The following C2orf76 variants were observed in gnomAD, a reference collection of about 807,000 sequenced individuals.
C2orf76 encodes the protein UPF0538 protein C2orf76.
Under a neutral mutation model 16.9 loss-of-function variants are expected in C2orf76, and 23 were observed. That is an observed-to-expected ratio of 1.36 (90% CI 0.98 to 1.93). The LOEUF (loss-of-function observed/expected upper bound fraction) is 1.93. C2orf76 is among the 30% of genes most tolerant of loss of function. The pLI is 0.00. For missense variants in C2orf76, 152 were observed against 152.6 expected (o/e 1.00, Z 0.02); for synonymous variants, 48 against 52.3 (o/e 0.92, Z 0.35).
At chr2:119,309,573 C>A (rs982576070) in intron 5 of C2orf76, among the ~76,000 whole-genome samples, 1 of 151,786 alleles carries the variant, frequency 6.6e-6, no homozygotes, top group Non-Finnish European at 1.5e-5. Flanking sequence ...GCGTGTGCCA[C>A]CACACCTGGC....
the C2orf76 span, among the ~76,000 whole-genome samples, chr2:119,294,001 A>G: frequency 3.3e-5 from 5 of 152,136 alleles, no homozygotes; most frequent in Non-Finnish European, 7.4e-5. Flanking sequence ...TGGGCTGTGG[A>G]CTGAAATCCG....
rs112925717 is a variant in C2orf76 at position 119,311,705 on chromosome 2, T to TA, written c.223-3dup. ...CAAACTCAACACAAGTTCATTTGTC[T>TA]AAAAAAAAAAAAGAAAATCTGCATT... On this transcript the variant is annotated splice_region_variant and splice_polypyrimidine_tract_variant and intron_variant, in intron 4 of 5. Coordinates refer to ENST00000334816, the MANE Select transcript of C2orf76 (RefSeq NM_001322331.2). The TA allele has an allele frequency of 0.088, 104,313 of 1,183,772 alleles. 4,137 individuals carry two copies. Among genetic ancestry groups the TA allele is most frequent in the African/African-American group, 0.42 (28,121 of 67,474 alleles). The allele number at this position is 1,183,772 out of a possible 1,614,324, so 73.3% of individuals were successfully genotyped here.
intron 1 of C2orf76, among the ~76,000 whole-genome samples, chr2:119,363,407 G>C (rs1009406606): frequency 2.0e-5 from 3 of 147,536 alleles, no homozygotes; most frequent in African/African-American, 7.5e-5. Context: ...CTGGGCGACA[G>C]AGCAAGACTC....
intron 1 of C2orf76, among the ~76,000 whole-genome samples, chr2:119,348,148 T>C (rs977910109): frequency 2.0e-5 from 3 of 152,206 alleles, no homozygotes; most frequent in African/African-American, 7.2e-5. Flanking sequence ...TGCTTGACAT[T>C]TTTCATAATA....
In C2orf76 at chr2:119,321,211, G is replaced by A. The variant is rs751647714; in HGVS notation, c.134-7C>T. 3 of 1,358,852 alleles carry A rather than the reference G, an allele frequency of 2.2e-6. No individual in the cohort carries two copies. Among genetic ancestry groups the A allele is most frequent in the Non-Finnish European group, 3.0e-6 (3 of 985,258 alleles). The allele number at this position is 1,358,852 out of a possible 1,614,324, so 84.2% of individuals were successfully genotyped here. ...TTGGTCCTTAAAGGGATATCTACAA[G>A]AGAAAGATTATTTTTTTACACAATA... On this transcript the variant is annotated splice_region_variant and splice_polypyrimidine_tract_variant and intron_variant, in intron 2 of 5. Coordinates refer to ENST00000334816, the MANE Select transcript of C2orf76 (RefSeq NM_001322331.2).
intron 2 of C2orf76, among the ~76,000 whole-genome samples, chr2:119,325,244 G>C (rs1468828647): frequency 6.6e-6 from 1 of 152,000 alleles, no homozygotes; most frequent in Non-Finnish European, 1.5e-5. Flanking sequence ...TGGGCCACCT[G>C]AGGTCAAGAG....
At chr2:119,284,249 G>A in the C2orf76 span, among the ~76,000 whole-genome samples, 14 of 152,240 alleles carry the variant, frequency 9.2e-5, no homozygotes, top group South Asian at 1.7e-3. Context: ...GTCACATCCC[G>A]CCTGGCTGAG....
chr2:119,300,495 T>C (rs1017114049), downstream of C2orf76, among the ~76,000 whole-genome samples: 5 of 152,206 alleles, frequency 3.3e-5, no homozygotes, highest in Non-Finnish European at 7.3e-5. Context: ...TTGTAAGGCC[T>C]ACCTCAACCT....
Position 119,339,826 on chromosome 2 carries a change from C to T in C2orf76, c.133+1G>A. ...AACAAAATGGCTTTCACATCTCATA[C>T]CTTGCTTTAGAAATACGATAAATTC... On this transcript the variant is annotated splice_donor_variant, in intron 2 of 5. Transcript: ENST00000334816. LOFTEE classifies it high-confidence loss of function. 6.3e-7 allele frequency: 1 copy of T among 1,594,360 alleles called. No homozygotes were observed. Among genetic ancestry groups the T allele is most frequent in the South Asian group, 1.1e-5 (1 of 90,136 alleles).
At chr2:119,348,203 C>G (rs1181630614) in intron 1 of C2orf76, among the ~76,000 whole-genome samples, 1 of 152,156 alleles carries the variant, frequency 6.6e-6, no homozygotes, top group Non-Finnish European at 1.5e-5. Flanking sequence ...GGTGTACATT[C>G]AAAGATTTTC....
chr2:119,322,838 G>C (rs1679388570), intron 2 of C2orf76, among the ~76,000 whole-genome samples: 1 of 146,600 alleles, frequency 6.8e-6, no homozygotes, highest in Non-Finnish European at 1.5e-5. Context: ...GGATTTGCTT[G>C]TACTTGCTGA....
At chr2:119,331,076 T>C (rs996064442) in intron 2 of C2orf76, among the ~76,000 whole-genome samples, 9 of 152,222 alleles carry the variant, frequency 5.9e-5, no homozygotes, top group South Asian at 4.1e-4. Flanking sequence ...CTTCTTTGCA[T>C]GCCTGTTAAG....
intron 2 of C2orf76, among the ~76,000 whole-genome samples, chr2:119,325,457 C>CTAAAA (rs1679479900): frequency 1.7e-5 from 1 of 59,784 alleles, no homozygotes. Flanking sequence ...AAGACTGTCT[C>CTAAAA]AAAAAAAAAA....
chr2:119,300,234 T>C (rs1678595838), downstream of C2orf76, among the ~76,000 whole-genome samples: 1 of 152,190 alleles, frequency 6.6e-6, no homozygotes, highest in African/African-American at 2.4e-5. Context: ...TACCACACCA[T>C]ATTTGCCACG....
intron 1 of C2orf76, among the ~76,000 whole-genome samples, chr2:119,354,813 C>T (rs147893510): frequency 3.1e-4 from 47 of 152,298 alleles, no homozygotes; most frequent in African/African-American, 1.1e-3. Flanking sequence ...GTTTAGGTAA[C>T]ACAATAGGTA....
chr2:119,290,324 G>A, the C2orf76 span, among the ~76,000 whole-genome samples: 20 of 152,092 alleles, frequency 1.3e-4, no homozygotes, highest in East Asian at 7.7e-4. Flanking sequence ...CATAGAAACC[G>A]GCTCACGACC....
chr2:119,285,512 G>A, the C2orf76 span, among the ~76,000 whole-genome samples: 1 of 152,174 alleles, frequency 6.6e-6, no homozygotes, highest in Non-Finnish European at 1.5e-5. Flanking sequence ...CTCAGTAGCT[G>A]GGACCCCATT....
At chr2:119,344,269 C>G (rs1238650899) in intron 1 of C2orf76, among the ~76,000 whole-genome samples, 1 of 152,188 alleles carries the variant, frequency 6.6e-6, no homozygotes, top group Non-Finnish European at 1.5e-5. Context: ...CCTAGAGGAG[C>G]TGCCTCAGCT....
At chr2:119,290,285 T>G in the C2orf76 span, among the ~76,000 whole-genome samples, 1 of 151,912 alleles carries the variant, frequency 6.6e-6, no homozygotes, top group Non-Finnish European at 1.5e-5. Flanking sequence ...CTATCAATTG[T>G]TGTACTAGGA....
Sources: allele counts gnomAD v4.1 joint callset (sites outside exome capture counted in the v4.1 genomes callset), GRCh38; gene constraint gnomAD v4.1.1; transcripts MANE v1.5; gene names NCBI Gene and HGNC (gene_info 2026-07-23, HGNC 2026-07-21).